Variants in PRODH2 observed in about 807,000 individuals in gnomAD.
PRODH2 encodes proline dehydrogenase 2, also known as hydroxyproline dehydrogenase.
In PRODH2, 49 loss-of-function variants were observed where a neutral mutation model predicts 51.9. The observed-to-expected ratio is 0.94, with a 90% CI of 0.75 to 1.20. PRODH2 has a LOEUF of 1.20. Ranked by LOEUF, PRODH2 falls within the 50% of genes most tolerant of loss-of-function variation. PRODH2 has a pLI of 0.00. For synonymous variants in PRODH2, 249 were observed against 260.7 expected (o/e 0.96, Z 0.43); for missense variants, 597 against 610.9 (o/e 0.98, Z 0.24).
intron 9 of PRODH2, among the ~76,000 whole-genome samples, chr19:35,801,121 C>T (rs549818389): frequency 3.3e-5 from 5 of 151,658 alleles, no homozygotes; most frequent in South Asian, 4.2e-4. Flanking sequence ...GAGCTGAGAT[C>T]GTGCCACTGC....
intron 4 of PRODH2, 27 bp downstream of exon 4, chr19:35,811,935 C>A: frequency 6.2e-7 from 1 of 1,609,082 alleles, no homozygotes; most frequent in Non-Finnish European, 8.5e-7. Context: ...GCACTCTGTC[C>A]CCGACAGTCC....
chr19:35,810,678 G>A (rs146176447), intron 4 of PRODH2, among the ~76,000 whole-genome samples: 111 of 152,132 alleles, frequency 7.3e-4, no homozygotes, highest in African/African-American at 2.4e-3. Flanking sequence ...GTGCCACCAC[G>A]TCCAGATAAT....
intron 4 of PRODH2, among the ~76,000 whole-genome samples, chr19:35,810,509 G>A (rs1972591942): frequency 6.6e-6 from 1 of 151,382 alleles, no homozygotes; most frequent in Non-Finnish European, 1.5e-5. Context: ...ATTTGGGAGG[G>A]TGAGGCAAGA....
At position 35,812,266 on chromosome 19, in the gene PRODH2, C is replaced by T. The variant is rs917246131; in HGVS notation, c.378G>A (p.Ala126=). The T allele has an allele frequency of 3.1e-6, 5 of 1,613,434 alleles. No homozygotes were observed. Among genetic ancestry groups the T allele is most frequent in the Non-Finnish European group, 4.2e-6 (5 of 1,179,912 alleles). ...EPDSAAKSGE[A]WYEGNLGAML... ...TAGCACCGAGGTTCCCCTCATACCA[C>T]GCCTCACTGCCCAGCCAGCAGGTGT... Residue 126 remains alanine, a synonymous_variant, in exon 3 of 10, where the codon GCG becomes GCA. Transcript: ENST00000653904.
Position 35,800,163 on chromosome 19 carries a change from G to GGGT in PRODH2, c.1257_1258insACC (p.Ile419_Pro420insThr). On this transcript the variant is annotated inframe_insertion, in exon 10 of 10. Coordinates refer to ENST00000653904, the MANE Select transcript of PRODH2 (RefSeq NM_021232.2). ...TCCTGGGCCCTCCGGATCAGGTAGG[G>GGGT]GATTACCTCCTCCAAGGAGCCATAG... 6.2e-7 allele frequency: 1 copy of GGGT among 1,604,360 alleles called. No homozygotes were observed.
At chr19:35,802,541 T>C (rs1334976838) in intron 8 of PRODH2, 10 of 546,914 alleles carry the variant, frequency 1.8e-5, no homozygotes, top group South Asian at 1.5e-4. Context: ...CTTACAGGTA[T>C]AGCAGGGGTT....
At chr19:35,810,028 G>A (rs62112192) in intron 4 of PRODH2, among the ~76,000 whole-genome samples, 41,320 of 144,138 alleles carry the variant, frequency 0.29, 7,092 homozygotes, top group East Asian at 0.44. Context: ...AGCACTTTGG[G>A]AGGCTGAGGC....
At chr19:35,805,766 G>T (rs1239171583) in intron 7 of PRODH2, among the ~76,000 whole-genome samples, 1 of 152,198 alleles carries the variant, frequency 6.6e-6, no homozygotes, top group East Asian at 1.9e-4. Flanking sequence ...GCAGATCTTG[G>T]ACATGAGCCT....
chr19:35,802,163 G>T (rs775375972), intron 9 of PRODH2, 28 bp downstream of exon 9: 1 of 1,606,160 alleles, frequency 6.2e-7, no homozygotes, highest in East Asian at 2.2e-5. Flanking sequence ...CCTGGGGCTT[G>T]ATGGGGGTGG....
At chr19:35,803,705 A>G (rs1972467539) in intron 7 of PRODH2, among the ~76,000 whole-genome samples, 1 of 152,214 alleles carries the variant, frequency 6.6e-6, no homozygotes, top group Admixed American at 6.5e-5. Context: ...CCCCAAGGTT[A>G]TCACTGCTGC....
Position 35,806,348 on chromosome 19 carries a change from C to T in PRODH2, c.1001+82G>A. On this transcript the variant is annotated intron_variant, in intron 7 of 9. Coordinates refer to ENST00000653904, the MANE Select transcript of PRODH2 (RefSeq NM_021232.2). ...AATCTCTAGCCTCAGCCTCCCAAAG[C>T]ACTGGGATTACAGGTATGAGCCACT... The T allele has an allele frequency of 4.6e-6, 7 of 1,536,210 alleles. No homozygotes were observed. In the South Asian group the frequency reaches 8.0e-5, roughly 18 times the overall value.
intron 4 of PRODH2, among the ~76,000 whole-genome samples, chr19:35,808,681 G>A (rs1972551410): frequency 6.6e-6 from 1 of 152,034 alleles, no homozygotes; most frequent in South Asian, 2.1e-4. Context: ...CACAGAGCAG[G>A]GAAGTCACTT....
chr19:35,806,512 A>G lies in PRODH2; in HGVS notation c.919T>C (p.Tyr307His). ...AFGVKLVRGA[Y>H]LDKERAVAQL... ...GCCACCGCTCTCTCCTTGTCCAGAT[A>G]TGCACCTCGTACCAGCTTCACTCCG... Residue 307 changes from tyrosine to histidine, a missense_variant, in exon 7 of 10, where the codon TAT becomes CAT. Tyr to His is a moderately conservative substitution (Grantham distance 83). Coordinates refer to ENST00000653904, the MANE Select transcript of PRODH2 (RefSeq NM_021232.2). 6.2e-7 allele frequency: 1 copy of G among 1,614,066 alleles called. No individual in the cohort carries two copies. The highest frequency in any genetic ancestry group is 1.1e-5 in the South Asian group (1 of 91,084).
At chr19:35,812,078 G>C in intron 3 of PRODH2, 30 bp from the exon 4 acceptor site, 1 of 1,613,904 alleles carries the variant, frequency 6.2e-7, no homozygotes. Flanking sequence ...GGGGTGGTGA[G>C]GGGAGCCCGA....
chr19:35,806,921 C>A (rs576085596), intron 5 of PRODH2, 91 bp from the exon 6 acceptor site: 16 of 1,548,486 alleles, frequency 1.0e-5, no homozygotes, highest in African/African-American at 2.7e-5. Context: ...CTGTGCCACC[C>A]GATGCAGGCG....
Position 35,807,060 on chromosome 19 carries a change from C to T in PRODH2, c.659G>A (p.Arg220His), listed in dbSNP as rs374055330. The change falls in exon 5 of 10, where the codon CGC (arginine) becomes CAC (histidine). Residue 220 changes from arginine to histidine, a missense_variant. Coordinates refer to ENST00000653904, the MANE Select transcript of PRODH2 (RefSeq NM_021232.2). The part of the protein sequence containing the change: ...QNQHLRASLS[R>H]LHRVAQYARA... ...GGTTACCTGTGCCACCCGATGCAGG[C>T]GGCTGAGGGAGGCCCGGAGGTGCTG... 1.7e-5 allele frequency: 26 copies of T among 1,551,888 alleles called. No homozygotes were observed. The highest frequency in any genetic ancestry group is 2.0e-4 in the Middle Eastern group (1 of 5,114).
At chr19:35,800,324 A>C in intron 9 of PRODH2, 102 bp from the exon 10 acceptor site, 1 of 1,092,232 alleles carries the variant, frequency 9.2e-7, no homozygotes, top group Non-Finnish European at 1.3e-6. Flanking sequence ...ATCTCAGCTC[A>C]CTGCAAGCTC....
At chr19:35,800,767 A>AC (rs139157534) in intron 9 of PRODH2, among the ~76,000 whole-genome samples, 1 of 152,070 alleles carries the variant, frequency 6.6e-6, no homozygotes, top group East Asian at 1.9e-4. Context: ...ATCACGACTC[A>AC]CTGCTGCTTT....
At chr19:35,803,915 G>A (rs1200283159) in intron 7 of PRODH2, among the ~76,000 whole-genome samples, 1 of 150,786 alleles carries the variant, frequency 6.6e-6, no homozygotes, top group African/African-American at 2.4e-5. Context: ...GCCACGCTAT[G>A]TATTTCACAT....
Sources: gnomAD v4.1 joint callset for allele counts (sites outside exome capture counted in the v4.1 genomes callset) on GRCh38, gnomAD v4.1.1 for gene constraint, MANE v1.5 for transcripts, NCBI Gene and HGNC (gene_info 2026-07-23, HGNC 2026-07-21) for gene names.